The following NPFFR2 variants were observed in gnomAD, a reference collection of about 807,000 sequenced individuals.
NPFFR2 encodes neuropeptide FF receptor 2.
NPFFR2 carries 15 observed loss-of-function variants against 13.1 expected under a neutral mutation model. The observed-to-expected ratio is 1.15, with a 90% CI of 0.77 to 1.76. The LOEUF (loss-of-function observed/expected upper bound fraction) is 1.76, where lower values mean the gene tolerates loss of function less well. Among genes scored for constraint, NPFFR2 ranks in the 40% most tolerant of loss-of-function variants. NPFFR2 has a pLI of 0.00. For missense variants in NPFFR2, 572 were observed against 503.5 expected (o/e 1.14, Z -1.30); for synonymous variants, 190 against 175.7 (o/e 1.08, Z -0.65).
intron 1 of NPFFR2, among the ~76,000 whole-genome samples, chr4:72,121,776 G>A (rs971226279): frequency 1.3e-5 from 2 of 152,062 alleles, no homozygotes; most frequent in Admixed American, 6.6e-5. Context: ...AGGAAAAACC[G>A]GTACCAGCCA....
At chr4:72,070,552 T>TG (rs1560401517) in intron 1 of NPFFR2, among the ~76,000 whole-genome samples, 4 of 1,516 alleles carry the variant, frequency 2.6e-3, no homozygotes. Context: ...CGTGTGTGTG[T>TG]GTGTGTGTGG....
intron 1 of NPFFR2, among the ~76,000 whole-genome samples, chr4:72,097,141 C>T (rs1721097945): frequency 6.6e-6 from 1 of 151,944 alleles, no homozygotes; most frequent in African/African-American, 2.4e-5. Flanking sequence ...TTCTAAAGTA[C>T]ATTCCATGTA....
chr4:72,106,405 G>C (rs978963021), intron 1 of NPFFR2, among the ~76,000 whole-genome samples: 40 of 152,044 alleles, frequency 2.6e-4, no homozygotes, highest in African/African-American at 9.4e-4. Context: ...ATAGTGAGGT[G>C]AATTGTCAGA....
intron 1 of NPFFR2, among the ~76,000 whole-genome samples, chr4:72,119,708 C>G (rs1721812351): frequency 6.6e-6 from 1 of 152,174 alleles, no homozygotes; most frequent in Non-Finnish European, 1.5e-5. Context: ...CCAAGGGAAG[C>G]CCTGAGAGAT....
intron 1 of NPFFR2, among the ~76,000 whole-genome samples, chr4:72,071,190 G>A (rs962472346): frequency 6.6e-6 from 1 of 152,172 alleles, no homozygotes; most frequent in African/African-American, 2.4e-5. Flanking sequence ...CTCTCCAGGT[G>A]TTTCTCATGC....
intron 1 of NPFFR2, among the ~76,000 whole-genome samples, chr4:72,121,265 CTTTG>C (rs771362861): frequency 2.0e-5 from 3 of 152,140 alleles, no homozygotes; most frequent in South Asian, 2.1e-4. Context: ...AAGACCAAAC[CTTTG>C]TTTGACTGGT....
rs866838414 is a variant in NPFFR2, at chr4:72,109,435, A to T, written c.-7-19150A>T. Among the ~76,000 whole-genome samples the T allele has an allele frequency of 4.6e-5, 7 of 152,094 alleles. No individual in the cohort carries two copies. In the Middle Eastern group the frequency reaches 0.014, roughly 296 times the overall value. On this transcript the variant is annotated intron_variant, in intron 1 of 3. Coordinates refer to ENST00000308744, the MANE Select transcript of NPFFR2 (RefSeq NM_004885.3). The stretch of plus-strand genomic sequence containing the variant: ...CTTAACGGTAATGTCTTGCACATTC[A>T]TCCATGTCGTGAGAAATAGTAGGAT...
At chr4:72,036,051 C>T (rs1412542585) in intron 1 of NPFFR2, among the ~76,000 whole-genome samples, 4 of 152,128 alleles carry the variant, frequency 2.6e-5, no homozygotes, top group South Asian at 4.1e-4. Context: ...AAATCTTTCC[C>T]AAAGCCAAAC....
chr4:72,048,738 TC>T (rs1431123736), intron 1 of NPFFR2, among the ~76,000 whole-genome samples: 1 of 20,482 alleles, frequency 4.9e-5, no homozygotes, highest in Non-Finnish European at 5.7e-4. Context: ...AAATAACTTA[TC>T]TTTTTTTTTC....
At chr4:72,140,948 T>C (rs1307572427) in intron 3 of NPFFR2, among the ~76,000 whole-genome samples, 1 of 152,188 alleles carries the variant, frequency 6.6e-6, no homozygotes, top group Non-Finnish European at 1.5e-5. Flanking sequence ...GAGCCTGTTA[T>C]TGGTCTGTTC....
chr4:72,100,953 A>C (rs75764351), intron 1 of NPFFR2, among the ~76,000 whole-genome samples: 3,676 of 152,162 alleles, frequency 0.024, 149 homozygotes, highest in African/African-American at 0.084. Context: ...ATTTTCCATC[A>C]TCATGGGTTC....
chr4:72,090,612 G>C (rs921063366), intron 1 of NPFFR2, among the ~76,000 whole-genome samples: 1 of 151,988 alleles, frequency 6.6e-6, no homozygotes, highest in African/African-American at 2.4e-5. Flanking sequence ...TTGAATTCTT[G>C]ATTTGATTCT....
chr4:72,068,957 A>C, intron 1 of NPFFR2: 1 of 1,431,948 alleles, frequency 7.0e-7, no homozygotes, highest in Non-Finnish European at 9.3e-7. Flanking sequence ...AGCTTTTGAC[A>C]TACAAGAAAC....
rs368654718 is a variant in NPFFR2, at chr4:72,070,561, G to GTGTGTGTGTGTGTGTGTGT, written c.-8+38361_-8+38362insTGTGTGTGTGTGTGTGTGT. On this transcript the variant is annotated intron_variant, in intron 1 of 3. Coordinates refer to ENST00000308744, the MANE Select transcript of NPFFR2 (RefSeq NM_004885.3). The stretch of plus-strand genomic sequence containing the variant: ...AAGTATCGTGTGTGTGTGTGTGTGT[G>GTGTGTGTGTGTGTGTGTGT]GGGGGGGGGGGTGGGGCTCTGGTGG... Among the ~76,000 whole-genome samples the GTGTGTGTGTGTGTGTGTGT allele has an allele frequency of 1.7e-3, 219 of 131,636 alleles. 17 individuals are homozygous for GTGTGTGTGTGTGTGTGTGT. The highest frequency in any genetic ancestry group is 0.011 in the East Asian group (31 of 2,726). The allele number at this position is 131,636 out of a possible 152,430, so 86.4% of individuals were successfully genotyped here.
chr4:72,135,038 A>G (rs1722366449), intron 2 of NPFFR2, among the ~76,000 whole-genome samples: 1 of 152,056 alleles, frequency 6.6e-6, no homozygotes, highest in South Asian at 2.1e-4. Context: ...CTGTATGAAG[A>G]AGTCTAGGTT....
chr4:72,050,217 A>G (rs7661544), intron 1 of NPFFR2, among the ~76,000 whole-genome samples: 135,245 of 152,014 alleles, frequency 0.89, 61,306 homozygotes, highest in Non-Finnish European at 0.98. Flanking sequence ...TCCAAACTAT[A>G]CAAACCAAGA....
intron 1 of NPFFR2, among the ~76,000 whole-genome samples, chr4:72,099,869 T>A (rs1264729586): frequency 6.6e-6 from 1 of 151,996 alleles, no homozygotes; most frequent in Non-Finnish European, 1.5e-5. Context: ...TGTGTATGTG[T>A]CACACACACA....
chr4:72,101,978 G>A (rs1721263764), intron 1 of NPFFR2, among the ~76,000 whole-genome samples: 1 of 152,118 alleles, frequency 6.6e-6, no homozygotes, highest in Non-Finnish European at 1.5e-5. Context: ...AAAAGCCACA[G>A]GATATGCAGC....
chr4:72,123,293 A>G (rs931237167), intron 1 of NPFFR2, among the ~76,000 whole-genome samples: 3 of 152,224 alleles, frequency 2.0e-5, no homozygotes, highest in Admixed American at 2.0e-4. Flanking sequence ...AACCAAAAAA[A>G]GCCCAGAACC....
Sources: gnomAD v4.1 joint callset for allele counts (sites outside exome capture counted in the v4.1 genomes callset) on GRCh38, gnomAD v4.1.1 for gene constraint, MANE v1.5 for transcripts, NCBI Gene and HGNC (gene_info 2026-07-23, HGNC 2026-07-21) for gene names.